SLC25A21: variants seen among roughly 807,000 people sequenced by gnomAD.
SLC25A21 encodes the protein solute carrier family 25 member 21.
Under a neutral mutation model 43.8 loss-of-function variants are expected in SLC25A21, and 47 were observed. That is an observed-to-expected ratio of 1.07 (90% CI 0.85 to 1.37). The LOEUF (loss-of-function observed/expected upper bound fraction) is 1.37, where lower values mean the gene tolerates loss of function less well. Ranked by LOEUF, SLC25A21 falls within the 40% of genes most tolerant of loss-of-function variation. SLC25A21 has a pLI of 0.00. For missense variants in SLC25A21, 352 were observed against 350.2 expected (o/e 1.00, Z -0.04); for synonymous variants, 131 against 121.3 (o/e 1.08, Z -0.52).
intron 3 of SLC25A21, among the ~76,000 whole-genome samples, chr14:36,794,638 G>A (rs140831727): frequency 0.03 from 4,507 of 151,998 alleles, 232 homozygotes; most frequent in African/African-American, 0.1. Flanking sequence ...TGTGGGTGGC[G>A]CATGCCTGTA....
intron 1 of SLC25A21, among the ~76,000 whole-genome samples, chr14:37,149,531 C>T (rs554887570): frequency 6.6e-6 from 1 of 152,006 alleles, no homozygotes; most frequent in Non-Finnish European, 1.5e-5. Flanking sequence ...CCCATCTCTA[C>T]TAAAAATACA....
rs1882102162 is a variant in SLC25A21, at chr14:36,679,578, G to T, written c.*1080C>A. ...ATTTTTGTTGATACATGTTAGTATA[G>T]TAATCCTTAGAAATGCTAAGTGTAT... On this transcript the variant is annotated 3_prime_UTR_variant, in exon 10 of 10. Coordinates refer to ENST00000331299, the MANE Select transcript of SLC25A21 (RefSeq NM_030631.4). 1 of 985,246 alleles carries T rather than the reference G, an allele frequency of 1.0e-6. No homozygotes were observed. Among genetic ancestry groups the T allele is most frequent in the Non-Finnish European group, 1.2e-6 (1 of 829,886 alleles). 61.0% of individuals were successfully genotyped at this position (985,246 alleles called of 1,614,324 possible).
intron 3 of SLC25A21, among the ~76,000 whole-genome samples, chr14:36,762,074 T>C (rs1886177368): frequency 6.6e-6 from 1 of 152,188 alleles, no homozygotes; most frequent in Non-Finnish European, 1.5e-5. Context: ...TGTGAGCAGG[T>C]ACCATGCAGG....
At chr14:37,009,028 C>T (rs889638871) in intron 1 of SLC25A21, among the ~76,000 whole-genome samples, 1 of 152,144 alleles carries the variant, frequency 6.6e-6, no homozygotes. Flanking sequence ...CAGGTAAAGA[C>T]GAGAGCACAT....
chr14:37,098,141 AG>A (rs1462977037), intron 1 of SLC25A21: 1 of 152,206 alleles, frequency 6.6e-6, no homozygotes, highest in Non-Finnish European at 1.5e-5. Flanking sequence ...ATGGGGATAG[AG>A]GGTTTTTGAG....
chr14:37,022,855 C>T (rs1296097593), intron 1 of SLC25A21, among the ~76,000 whole-genome samples: 3 of 152,008 alleles, frequency 2.0e-5, no homozygotes, highest in Non-Finnish European at 4.4e-5. Context: ...ACCACACAAT[C>T]GTCTTCAAGC....
chr14:36,817,225 C>A (rs913322764), intron 2 of SLC25A21, among the ~76,000 whole-genome samples: 3 of 149,130 alleles, frequency 2.0e-5, no homozygotes, highest in African/African-American at 5.0e-5. Flanking sequence ...GAAAAAAAAA[C>A]CTATATAAGA....
intron 1 of SLC25A21, among the ~76,000 whole-genome samples, chr14:37,065,921 T>C (rs530973563): frequency 2.6e-5 from 4 of 152,246 alleles, no homozygotes; most frequent in Admixed American, 1.3e-4. Context: ...AAACGAATGG[T>C]TTTTACAATG....
intron 2 of SLC25A21, among the ~76,000 whole-genome samples, chr14:36,837,517 G>A (rs551517196): frequency 9.9e-5 from 15 of 152,274 alleles, no homozygotes; most frequent in African/African-American, 3.6e-4. Flanking sequence ...AAGAGGTTAG[G>A]TGATGGGTGA....
intron 1 of SLC25A21, among the ~76,000 whole-genome samples, chr14:37,142,654 G>C (rs989198182): frequency 2.6e-5 from 4 of 152,174 alleles, no homozygotes; most frequent in Admixed American, 1.3e-4. Flanking sequence ...GGGCCTAAAA[G>C]ATTTTTTTAA....
chr14:36,893,924 G>A (rs986452917), intron 1 of SLC25A21, among the ~76,000 whole-genome samples: 1 of 152,166 alleles, frequency 6.6e-6, no homozygotes, highest in African/African-American at 2.4e-5. Flanking sequence ...CCAGTACCAT[G>A]CTGTTTTGGT....
chr14:36,888,352 A>T (rs914660819), intron 1 of SLC25A21, among the ~76,000 whole-genome samples: 3 of 152,156 alleles, frequency 2.0e-5, no homozygotes, highest in African/African-American at 4.8e-5. Flanking sequence ...TCAGAATTTT[A>T]AAAAATTCCT....
chr14:37,166,948 A>G (rs143796791), intron 1 of SLC25A21, among the ~76,000 whole-genome samples: 53 of 152,346 alleles, frequency 3.5e-4, no homozygotes, highest in African/African-American at 1.3e-3. Flanking sequence ...CAGTTAAGAA[A>G]ACCTGATGAA....
rs533364170 is a variant in SLC25A21 at position 37,151,807 on chromosome 14, G to A, written c.70+20474C>T. Among the ~76,000 whole-genome samples the A allele has an allele frequency of 5.3e-5, 8 of 152,282 alleles. No homozygotes were observed. In the East Asian group the frequency reaches 1.5e-3, roughly 29 times the overall value. On this transcript the variant is annotated intron_variant, in intron 1 of 9. Transcript: ENST00000331299. Reference sequence around the variant, plus strand: ...TCCAGCACTTTGGGAGGCCAAGGCGGGCAGATCACTTGAGGTCAGGAGTTC... The same window carrying A: ...TCCAGCACTTTGGGAGGCCAAGGCGAGCAGATCACTTGAGGTCAGGAGTTC...
intron 1 of SLC25A21, among the ~76,000 whole-genome samples, chr14:37,004,353 G>A (rs1283139367): frequency 6.6e-6 from 1 of 152,156 alleles, no homozygotes; most frequent in Non-Finnish European, 1.5e-5. Flanking sequence ...TATTAAAGAT[G>A]TCAAGAATGT....
At chr14:37,055,398 A>G (rs1961799223) in intron 1 of SLC25A21, among the ~76,000 whole-genome samples, 1 of 152,210 alleles carries the variant, frequency 6.6e-6, no homozygotes, top group African/African-American at 2.4e-5. Context: ...GTGGCCAGAT[A>G]TCTTCACTGC....
chr14:36,895,488 C>A (rs1178962539), intron 1 of SLC25A21, among the ~76,000 whole-genome samples: 3 of 152,126 alleles, frequency 2.0e-5, no homozygotes, highest in East Asian at 3.9e-4. Flanking sequence ...TTTCAAAAAA[C>A]CAGCTCTGGA....
chr14:37,112,596 A>G (rs1963039077), intron 1 of SLC25A21, among the ~76,000 whole-genome samples: 1 of 152,170 alleles, frequency 6.6e-6, no homozygotes, highest in South Asian at 2.1e-4. Flanking sequence ...GCTAGGTGTG[A>G]CCATATAACT....
Position 37,024,172 on chromosome 14 carries a change from G to A in SLC25A21, c.70+148109C>T, listed in dbSNP as rs147116737. Among the ~76,000 whole-genome samples the A allele has an allele frequency of 3.6e-3, 544 of 152,152 alleles. 2 individuals carry two copies. Among genetic ancestry groups the A allele is most frequent in the African/African-American group, 0.012 (503 of 41,514 alleles). ...CTAATCCATCATTTCATTGCAATGC[G>A]TAGCTTTCCTAATGGAAATCTGACC... On this transcript the variant is annotated intron_variant, in intron 1 of 9. Transcript: ENST00000331299.
Sources: gnomAD v4.1 joint callset for allele counts (sites outside exome capture counted in the v4.1 genomes callset) on GRCh38, gnomAD v4.1.1 for gene constraint, MANE v1.5 for transcripts, NCBI Gene and HGNC (gene_info 2026-07-23, HGNC 2026-07-21) for gene names.